Variants in RGS9 observed in about 807,000 individuals in gnomAD.
RGS9 encodes regulator of G protein signaling 9.
In RGS9, 78 loss-of-function variants were observed where a neutral mutation model predicts 102.0. The ratio of observed to expected loss-of-function variants is 0.76; its 90% CI spans 0.64 to 0.92. RGS9 has a LOEUF of 0.92. Among genes scored for constraint, RGS9 ranks in the 40% least tolerant of loss-of-function variants. RGS9 has a pLI of 0.00. For missense variants in RGS9, 833 were observed against 866.1 expected (o/e 0.96, Z 0.48); for synonymous variants, 353 against 318.6 (o/e 1.11, Z -1.15).
chr17:65,225,063 C>G lies in RGS9; in HGVS notation c.1469C>G (p.Pro490Arg), dbSNP rs760783717. 6.2e-7 allele frequency: 1 copy of G among 1,614,030 alleles called. No individual in the cohort carries two copies. Among genetic ancestry groups the G allele is most frequent in the Non-Finnish European group, 8.5e-7 (1 of 1,180,002 alleles). The change falls in exon 18 of 19, where the codon CCG (proline) becomes CGG (arginine). Residue 490 changes from proline to arginine, a missense_variant. Transcript: ENST00000262406. ...GTGTACACCGGGACCTGCATGCCCC[C>G]GTCTCCTTCTAGCCCCTTCTCCTCC... Reference protein sequence around the residue: ...LTVYTGTCMPPSPSSPFSSSC... With the variant: ...LTVYTGTCMPRSPSSPFSSSC...
intron 17 of RGS9, among the ~76,000 whole-genome samples, chr17:65,213,431 A>T (rs1233223912): frequency 2.0e-5 from 3 of 152,174 alleles, no homozygotes; most frequent in African/African-American, 7.2e-5. Flanking sequence ...AGAAGCATGA[A>T]ACCAGAGAAT....
At chr17:65,168,630 G>A (rs1208448578) in intron 8 of RGS9, among the ~76,000 whole-genome samples, 2 of 148,776 alleles carry the variant, frequency 1.3e-5, no homozygotes, top group East Asian at 2.0e-4. Context: ...AGGCCCCAAT[G>A]GAGGCGCCAA....
At chr17:65,190,001 G>A (rs1424935472) in intron 10 of RGS9, among the ~76,000 whole-genome samples, 174 bp from the exon 11 acceptor site, 1 of 151,986 alleles carries the variant, frequency 6.6e-6, no homozygotes, top group African/African-American at 2.4e-5. Context: ...CTGATTTGAA[G>A]TCTGTGGTCA....
intron 7 of RGS9, among the ~76,000 whole-genome samples, chr17:65,165,236 C>G (rs1911132307): frequency 6.6e-6 from 1 of 152,126 alleles, no homozygotes; most frequent in Non-Finnish European, 1.5e-5. Context: ...TCTCAGTGAT[C>G]CCTGCAGGTC....
At chr17:65,207,316 T>A (rs1913099795) in intron 15 of RGS9, among the ~76,000 whole-genome samples, 2 of 152,192 alleles carry the variant, frequency 1.3e-5, no homozygotes, top group African/African-American at 2.4e-5. Flanking sequence ...CCAAGGTGGA[T>A]CTTCATGTGT....
chr17:65,164,645 T>C (rs914274167), intron 7 of RGS9, among the ~76,000 whole-genome samples: 4 of 152,162 alleles, frequency 2.6e-5, no homozygotes, highest in Non-Finnish European at 2.9e-5. Flanking sequence ...AAATAGATTC[T>C]TATGGCGGAA....
intron 1 of RGS9, among the ~76,000 whole-genome samples, chr17:65,137,871 T>C (rs1339837084): frequency 1.3e-5 from 2 of 152,240 alleles, no homozygotes; most frequent in Non-Finnish European, 2.9e-5. Context: ...GCAGGTTCAG[T>C]TCAGGCTGTG....
chr17:65,174,042 G>A (rs1458798192), intron 8 of RGS9, among the ~76,000 whole-genome samples: 1 of 152,216 alleles, frequency 6.6e-6, no homozygotes, highest in Non-Finnish European at 1.5e-5. Flanking sequence ...CTGTAGGGAA[G>A]GCATGGAGAG....
At chr17:65,152,685 C>G (rs191892325) in intron 1 of RGS9, among the ~76,000 whole-genome samples, 1 of 152,106 alleles carries the variant, frequency 6.6e-6, no homozygotes. Flanking sequence ...CATGTACCAC[C>G]ACGCCCAGAT....
At chr17:65,187,712 G>C (rs574873038) in intron 9 of RGS9, among the ~76,000 whole-genome samples, 1 of 152,190 alleles carries the variant, frequency 6.6e-6, no homozygotes, top group Non-Finnish European at 1.5e-5. Context: ...GAGGGTCCGC[G>C]TGAGGCCGGG....
intron 10 of RGS9, among the ~76,000 whole-genome samples, chr17:65,189,845 A>G (rs926634883): frequency 1.3e-5 from 2 of 152,092 alleles, no homozygotes; most frequent in African/African-American, 4.8e-5. Context: ...TGTGGTGGGG[A>G]CCACTCTCTG....
intron 4 of RGS9, 48 bp from the exon 5 acceptor site, chr17:65,160,488 G>A: frequency 6.2e-7 from 1 of 1,611,700 alleles, no homozygotes; most frequent in East Asian, 2.2e-5. Context: ...GGGGTCCATT[G>A]AGTCACAATC....
chr17:65,162,945 T>C lies in RGS9; in HGVS notation c.424-68T>C, dbSNP rs1256324307. ...GGGGTGTGCCCTTGCTGACTTAGAG[T>C]TTGTTGCCCTGCGGCACATGGCATA... On this transcript the variant is annotated intron_variant, in intron 6 of 18. Coordinates refer to ENST00000262406, the MANE Select transcript of RGS9 (RefSeq NM_003835.4). The C allele has an allele frequency of 3.0e-4, 261 of 857,128 alleles. 1 individual carries two copies. The highest frequency in any genetic ancestry group is 2.0e-6 in the Non-Finnish European group (1 of 511,602). The allele number at this position is 857,128 out of a possible 1,614,324, so 53.1% of individuals were successfully genotyped here.
Position 65,210,484 on chromosome 17 carries a change from C to G in RGS9, c.1290-4C>G. On this transcript the variant is annotated splice_region_variant and splice_polypyrimidine_tract_variant and intron_variant, in intron 16 of 18. Transcript: ENST00000262406. ...TCCAACCACCAATCTGTCCTTCCTT[C>G]CAGCTCCACCCTCCCTTTTATGCGG... 1 of 1,613,034 alleles carries G rather than the reference C, an allele frequency of 6.2e-7. No individual in the cohort carries two copies. The highest frequency in any genetic ancestry group is 1.3e-5 in the African/African-American group (1 of 75,000).
intron 9 of RGS9, among the ~76,000 whole-genome samples, chr17:65,187,883 C>G (rs1417615931): frequency 6.6e-6 from 1 of 152,160 alleles, no homozygotes; most frequent in African/African-American, 2.4e-5. Flanking sequence ...GTAGTCCCAG[C>G]TACTTGGGAG....
chr17:65,146,583 C>CAAAAA (rs545458134), intron 1 of RGS9, among the ~76,000 whole-genome samples: 1 of 110,434 alleles, frequency 9.1e-6, no homozygotes, highest in Non-Finnish European at 1.9e-5. Flanking sequence ...AAGACTGTCT[C>CAAAAA]AAAAAAAAAA....
At chr17:65,192,458 TA>T (rs910925252) in intron 11 of RGS9, among the ~76,000 whole-genome samples, 6 of 151,438 alleles carry the variant, frequency 4.0e-5, no homozygotes, top group African/African-American at 1.5e-4. Flanking sequence ...CTACAAAGAA[TA>T]AAAAAAATTA....
In RGS9 at chr17:65,137,921, C is replaced by T. The variant is rs72850378; in HGVS notation, c.57+324C>T. Among the ~76,000 whole-genome samples the T allele has an allele frequency of 1.0e-2, 1,517 of 152,254 alleles. 11 individuals are homozygous for T. The highest frequency in any genetic ancestry group is 0.016 in the Non-Finnish European group (1,055 of 68,014). ...GCCTGCTGATATTGTTGTAAGACGA[C>T]CAGATGTGACATTGCCATTTTTGCC... is the stretch of plus-strand genomic sequence containing the variant. On this transcript the variant is annotated intron_variant, in intron 1 of 18. Transcript: ENST00000262406.
chr17:65,199,403 C>A (rs1912727590), intron 13 of RGS9, among the ~76,000 whole-genome samples: 1 of 151,728 alleles, frequency 6.6e-6, no homozygotes, highest in African/African-American at 2.4e-5. Flanking sequence ...CGAAATCATG[C>A]AATATGTGAC....
Sources: gnomAD v4.1 joint callset for allele counts (sites outside exome capture counted in the v4.1 genomes callset) on GRCh38, gnomAD v4.1.1 for gene constraint, MANE v1.5 for transcripts, NCBI Gene and HGNC (gene_info 2026-07-23, HGNC 2026-07-21) for gene names.